B3GAT2: variants seen among roughly 807,000 people sequenced by gnomAD.
B3GAT2 encodes the protein galactosylgalactosylxylosylprotein 3-beta-glucuronosyltransferase 2.
In B3GAT2, 26 loss-of-function variants were observed where a neutral mutation model predicts 27.8. The observed-to-expected ratio is 0.93, with a 90% CI of 0.68 to 1.30. The LOEUF (loss-of-function observed/expected upper bound fraction) is 1.30. Among genes scored for constraint, B3GAT2 ranks in the 50% most tolerant of loss-of-function variants. B3GAT2 has a pLI of 0.00. For missense variants in B3GAT2, 458 were observed against 459.0 expected (o/e 1.00, Z 0.02); for synonymous variants, 218 against 195.1 (o/e 1.12, Z -0.98).
Position 70,859,437 on chromosome 6 carries a change from T to G in B3GAT2, c.*2226A>C, listed in dbSNP as rs1171273730. 4 of 1,459,302 alleles carry G rather than the reference T, an allele frequency of 2.7e-6. No individual in the cohort carries two copies. Among genetic ancestry groups the G allele is most frequent in the African/African-American group, 1.4e-5 (1 of 71,214 alleles). The allele number at this position is 1,459,302 out of a possible 1,614,324, so 90.4% of individuals were successfully genotyped here. A position where few individuals can be genotyped will look rare whatever the true frequency, so the allele number is the denominator to read the frequency against. On this transcript the variant is annotated 3_prime_UTR_variant, in exon 4 of 4. Coordinates refer to ENST00000230053, the MANE Select transcript of B3GAT2 (RefSeq NM_080742.3). ...AGTAGGTATGAAGACGTGATCTGCT[T>G]CTTCAGACACTTATGCCTGATTAGT...
chr6:70,956,914 G>T lies in B3GAT2; in HGVS notation c.-485C>A. The stretch of plus-strand genomic sequence containing the variant: ...TCGAGGGCGGGCGGCGGCGCTGGGG[G>T]CTTTCCTTCCTCACATTCCCGCCGG... On this transcript the variant is annotated 5_prime_UTR_variant, in exon 1 of 4. Coordinates refer to ENST00000230053, the MANE Select transcript of B3GAT2 (RefSeq NM_080742.3). 9.8e-7 allele frequency: 1 copy of T among 1,019,746 alleles called. No individual in the cohort carries two copies. Among genetic ancestry groups the T allele is most frequent in the South Asian group, 3.8e-5 (1 of 26,058 alleles). The allele number at this position is 1,019,746 out of a possible 1,614,324, so 63.2% of individuals were successfully genotyped here. A position where few individuals can be genotyped will look rare whatever the true frequency, so the allele number is the denominator to read the frequency against.
chr6:70,937,519 C>G (rs1055572432), intron 1 of B3GAT2, among the ~76,000 whole-genome samples: 2 of 152,132 alleles, frequency 1.3e-5, no homozygotes, highest in African/African-American at 4.8e-5. Flanking sequence ...TACTGGCAAA[C>G]CGAATCCAGC....
intron 1 of B3GAT2, among the ~76,000 whole-genome samples, chr6:70,910,208 G>A (rs763938844): frequency 1.3e-5 from 2 of 152,036 alleles, no homozygotes; most frequent in Non-Finnish European, 2.9e-5. Context: ...TTAGGTTCAG[G>A]GGTCCATGTG....
Position 70,857,131 on chromosome 6 carries a change from T to G in B3GAT2, c.*4532A>C. 8.4e-7 allele frequency: 1 copy of G among 1,194,952 alleles called. No homozygotes were observed. The highest frequency in any genetic ancestry group is 1.1e-6 in the Non-Finnish European group (1 of 894,486). 74.0% of individuals were successfully genotyped at this position (1,194,952 alleles called of 1,614,324 possible). On this transcript the variant is annotated 3_prime_UTR_variant, in exon 4 of 4. Transcript: ENST00000230053. ...ATATATCTTTTATTGTTCCATGTAG[T>G]GAGTGCTTTTGTTGTTGCAGTTTAT...
At chr6:70,937,843 A>G (rs937003439) in intron 1 of B3GAT2, among the ~76,000 whole-genome samples, 6 of 152,168 alleles carry the variant, frequency 3.9e-5, no homozygotes, top group Non-Finnish European at 8.8e-5. Flanking sequence ...AAACGGGCAC[A>G]AGACAGGGAT....
chr6:70,857,855 G>A lies in B3GAT2; in HGVS notation c.*3808C>T. 6.5e-7 allele frequency: 1 copy of A among 1,544,242 alleles called. No individual in the cohort carries two copies. The highest frequency in any genetic ancestry group is 8.8e-7 in the Non-Finnish European group (1 of 1,140,402). ...TAGTTCAGAAAGGCAATTTTTCTGT[G>A]ATTATAGAGATGAGTGCAACTACAC... is the stretch of plus-strand genomic sequence containing the variant. On this transcript the variant is annotated 3_prime_UTR_variant, in exon 4 of 4. Transcript: ENST00000230053.
At chr6:70,930,921 C>A (rs1402683625) in intron 1 of B3GAT2, among the ~76,000 whole-genome samples, 2 of 152,148 alleles carry the variant, frequency 1.3e-5, no homozygotes, top group Non-Finnish European at 2.9e-5. Flanking sequence ...ATAGCAAAGA[C>A]TTGGAACCAA....
intron 1 of B3GAT2, among the ~76,000 whole-genome samples, chr6:70,912,055 A>G (rs1772697390): frequency 6.6e-6 from 1 of 152,098 alleles, no homozygotes; most frequent in African/African-American, 2.4e-5. Context: ...GGCAGACACT[A>G]TGGAATTTTC....
chr6:70,891,577 T>A (rs951133134), intron 2 of B3GAT2, among the ~76,000 whole-genome samples: 1 of 152,198 alleles, frequency 6.6e-6, no homozygotes, highest in Non-Finnish European at 1.5e-5. Context: ...CTCACAGAGA[T>A]ACAAACAGGA....
intron 1 of B3GAT2, among the ~76,000 whole-genome samples, chr6:70,941,413 G>C (rs1203424463): frequency 6.6e-6 from 1 of 152,114 alleles, no homozygotes; most frequent in African/African-American, 2.4e-5. Flanking sequence ...AAGCAGTGAA[G>C]CTGGATTTGA....
At chr6:70,955,567 C>T (rs1765640717) in intron 1 of B3GAT2, among the ~76,000 whole-genome samples, 1 of 152,152 alleles carries the variant, frequency 6.6e-6, no homozygotes, top group Admixed American at 6.5e-5. Context: ...GTGCTATTCT[C>T]TTGACACAAT....
chr6:70,922,256 C>T (rs966185792), intron 1 of B3GAT2, among the ~76,000 whole-genome samples: 3 of 152,190 alleles, frequency 2.0e-5, no homozygotes, highest in Non-Finnish European at 4.4e-5. Context: ...GAAAAGTCTT[C>T]TAGTCCTAAT....
chr6:70,954,854 A>ACACC (rs1554218580), intron 1 of B3GAT2, among the ~76,000 whole-genome samples: 44 of 149,042 alleles, frequency 3.0e-4, no homozygotes, highest in Admixed American at 1.7e-3. Context: ...ACACACACAC[A>ACACC]CCGCAAGATA....
At chr6:70,909,121 AAC>A (rs757081013) in intron 1 of B3GAT2, among the ~76,000 whole-genome samples, 1 of 151,936 alleles carries the variant, frequency 6.6e-6, no homozygotes, top group African/African-American at 2.4e-5. Flanking sequence ...AGAAAGCCCA[AAC>A]ACACACACAT....
intron 1 of B3GAT2, among the ~76,000 whole-genome samples, chr6:70,928,667 C>G (rs906519170): frequency 6.6e-6 from 1 of 152,158 alleles, no homozygotes. Flanking sequence ...AGACCAATAA[C>G]AGGCTCTGAA....
In B3GAT2 at chr6:70,936,688, A is replaced by T. The variant is rs1207417417; in HGVS notation, c.591+19151T>A. ...TAACGAAATGAAGGCAGAAATAAAG[A>T]TGTTCTTTGAAACCAACGAGAACAA... On this transcript the variant is annotated intron_variant, in intron 1 of 3. Coordinates refer to ENST00000230053, the MANE Select transcript of B3GAT2 (RefSeq NM_080742.3). 2.6e-5 allele frequency among the ~76,000 whole-genome samples: 4 copies of T among 152,146 alleles called. 1 individual carries two copies. The highest frequency in any genetic ancestry group is 2.6e-4 in the Admixed American group (4 of 15,274).
intron 1 of B3GAT2, among the ~76,000 whole-genome samples, chr6:70,897,441 TA>T (rs930024949): frequency 2.0e-5 from 3 of 152,118 alleles, no homozygotes; most frequent in Non-Finnish European, 2.9e-5. Flanking sequence ...ATGTTCTACT[TA>T]AAATATTTTT....
chr6:70,894,179 C>A lies in B3GAT2; in HGVS notation c.685G>T (p.Gly229Cys). 1 of 1,613,682 alleles carries A rather than the reference C, an allele frequency of 6.2e-7. No individual in the cohort carries two copies. The highest frequency in any genetic ancestry group is 8.5e-7 in the Non-Finnish European group (1 of 1,179,702). The change falls in exon 2 of 4, where the codon GGC (glycine) becomes TGC (cysteine). Residue 229 changes from glycine (G) to cysteine (C), a missense_variant. Gly to Cys is a radical substitution (Grantham distance 159). Coordinates refer to ENST00000230053, the MANE Select transcript of B3GAT2 (RefSeq NM_080742.3). ...TCTGCTCTCCAGCCGGTGTACCAGCCAACAACTTTGCCGTTTTCCACCAGC... is the reference window on the plus strand; with the variant it reads ...TCTGCTCTCCAGCCGGTGTACCAGCAAACAACTTTGCCGTTTTCCACCAGC... Reference protein sequence around the residue: ...RPLVENGKVVGWYTGWRADRP... With the variant: ...RPLVENGKVVCWYTGWRADRP...
At chr6:70,953,171 T>G (rs1765601199) in intron 1 of B3GAT2, among the ~76,000 whole-genome samples, 1 of 152,234 alleles carries the variant, frequency 6.6e-6, no homozygotes, top group African/African-American at 2.4e-5. Context: ...GGCTGAGATA[T>G]ATGCCTCAGC....
Sources: gnomAD v4.1 joint callset for allele counts (sites outside exome capture counted in the v4.1 genomes callset) on GRCh38, gnomAD v4.1.1 for gene constraint, MANE v1.5 for transcripts, NCBI Gene and HGNC (gene_info 2026-07-23, HGNC 2026-07-21) for gene names.